The following RNFT2 variants were observed in gnomAD, a reference collection of about 807,000 sequenced individuals.
RNFT2 encodes the protein E3 ubiquitin-protein ligase RNFT2.
Under a neutral mutation model 53.0 loss-of-function variants are expected in RNFT2, and 36 were observed. That is an observed-to-expected ratio of 0.68 (90% CI 0.52 to 0.90). The LOEUF (loss-of-function observed/expected upper bound fraction) is 0.90, where lower values mean the gene tolerates loss of function less well. RNFT2 is among the 40% of genes least tolerant of loss of function. The pLI is 0.00. For missense variants in RNFT2, 514 were observed against 585.6 expected (o/e 0.88, Z 1.26); for synonymous variants, 260 against 253.2 (o/e 1.03, Z -0.26).
At chr12:116,821,849 C>T (rs1313075144) in intron 7 of RNFT2, among the ~76,000 whole-genome samples, 2 of 99,190 alleles carry the variant, frequency 2.0e-5, no homozygotes, top group East Asian at 3.5e-4. Context: ...CAGAGTCTTA[C>T]TCTGTCGCCC....
chr12:116,833,726 G>T, intron 7 of RNFT2, 66 bp from the exon 8 acceptor site: 2 of 1,573,646 alleles, frequency 1.3e-6, no homozygotes, highest in East Asian at 2.3e-5. Context: ...GGGGCGGGGG[G>T]CCCCCCAGCT....
intron 5 of RNFT2, among the ~76,000 whole-genome samples, chr12:116,755,114 T>G (rs1872443272): frequency 6.6e-6 from 1 of 152,216 alleles, no homozygotes; most frequent in South Asian, 2.1e-4. Context: ...ATTTTTATAG[T>G]TTTAGGTCCT....
chr12:116,786,065 G>C (rs1296256328), intron 7 of RNFT2, among the ~76,000 whole-genome samples: 1 of 151,924 alleles, frequency 6.6e-6, no homozygotes, highest in African/African-American at 2.4e-5. Context: ...TTCTGACATA[G>C]GTGCTGATTA....
chr12:116,830,494 C>T (rs995041949), intron 7 of RNFT2, among the ~76,000 whole-genome samples: 2 of 151,968 alleles, frequency 1.3e-5, no homozygotes, highest in Non-Finnish European at 2.9e-5. Context: ...TGCTCTATTG[C>T]CCAGGCTGGT....
intron 3 of RNFT2, among the ~76,000 whole-genome samples, chr12:116,744,195 T>C (rs956153345): frequency 1.8e-4 from 25 of 136,230 alleles, no homozygotes; most frequent in Non-Finnish European, 2.9e-4. Context: ...GACTGCACTC[T>C]AGCCTGGGTG....
At chr12:116,750,904 A>T (rs370982600) in intron 4 of RNFT2, among the ~76,000 whole-genome samples, 6,813 of 41,454 alleles carry the variant, frequency 0.16, 629 homozygotes, top group East Asian at 0.32. Context: ...ATATATATAT[A>T]TATATTTTTT....
chr12:116,853,285 A>G lies in RNFT2; in HGVS notation c.*3837A>G. The stretch of plus-strand genomic sequence containing the variant: ...AGGGTTAATCGAGTATCAGGTTCAC[A>G]GTATCCTGCCCTTATTATTTTATGA... On this transcript the variant is annotated 3_prime_UTR_variant, in exon 11 of 11. Coordinates refer to ENST00000257575, the MANE Select transcript of RNFT2 (RefSeq NM_001382266.1). 2.5e-6 allele frequency: 1 copy of G among 398,608 alleles called. No homozygotes were observed. Among genetic ancestry groups the G allele is most frequent in the Non-Finnish European group, 4.4e-6 (1 of 226,088 alleles). 24.7% of individuals were successfully genotyped at this position (398,608 alleles called of 1,614,324 possible). A position where few individuals can be genotyped will look rare whatever the true frequency, so the allele number is the denominator to read the frequency against.
intron 10 of RNFT2, 85 bp downstream of exon 10, chr12:116,836,367 G>A: frequency 1.7e-6 from 2 of 1,155,482 alleles, no homozygotes; most frequent in Non-Finnish European, 1.3e-6. Flanking sequence ...CGGGTCTCTG[G>A]CATGGGTCTC....
chr12:116,773,415 A>C (rs1873288431), intron 6 of RNFT2, among the ~76,000 whole-genome samples: 1 of 152,238 alleles, frequency 6.6e-6, no homozygotes, highest in African/African-American at 2.4e-5. Flanking sequence ...ATCCTAGGAA[A>C]ACCAAACAAC....
At chr12:116,746,089 T>C (rs895343754) in intron 3 of RNFT2, among the ~76,000 whole-genome samples, 2 of 152,032 alleles carry the variant, frequency 1.3e-5, no homozygotes, top group African/African-American at 4.8e-5. Flanking sequence ...ATACAAAAAT[T>C]AGCCAAGCAT....
chr12:116,802,952 T>C (rs1055721765), intron 7 of RNFT2, among the ~76,000 whole-genome samples: 3 of 151,326 alleles, frequency 2.0e-5, no homozygotes, highest in African/African-American at 7.3e-5. Context: ...AAAATTAGCC[T>C]AGCACGGTAG....
chr12:116,812,534 CT>C lies in RNFT2; in HGVS notation c.883-21244del, dbSNP rs112093335. Among the ~76,000 whole-genome samples the C allele has an allele frequency of 4.6e-3, 658 of 143,728 alleles. 3 individuals carry two copies. The highest frequency in any genetic ancestry group is 7.5e-3 in the African/African-American group (295 of 39,408). 94.3% of individuals were successfully genotyped at this position (143,728 alleles called of 152,430 possible). A position where few individuals can be genotyped will look rare whatever the true frequency, so the allele number is the denominator to read the frequency against. ...CTTCTGTGTCTAGGCCTGTTCCTAT[CT>C]TTTTTTTTTTTTTCCTTGAGACAGG... On this transcript the variant is annotated intron_variant, in intron 7 of 10. Transcript: ENST00000257575.
chr12:116,811,434 G>A (rs1375432119), intron 7 of RNFT2, among the ~76,000 whole-genome samples: 1 of 151,200 alleles, frequency 6.6e-6, no homozygotes, highest in Non-Finnish European at 1.5e-5. Flanking sequence ...GGAGTGCAGT[G>A]GGGCCATCTC....
intron 7 of RNFT2, among the ~76,000 whole-genome samples, chr12:116,818,053 G>T (rs2137175919): frequency 6.6e-6 from 1 of 152,256 alleles, no homozygotes; most frequent in South Asian, 2.1e-4. Flanking sequence ...TTTCTCTGTG[G>T]GATGGACATT....
intron 7 of RNFT2, among the ~76,000 whole-genome samples, chr12:116,787,878 A>T (rs534264308): frequency 2.5e-4 from 38 of 151,414 alleles, no homozygotes; most frequent in African/African-American, 9.2e-4. Flanking sequence ...CCTTACTCTT[A>T]CTCTGTTTTT....
intron 7 of RNFT2, among the ~76,000 whole-genome samples, chr12:116,832,890 G>A (rs1876748973): frequency 1.4e-5 from 2 of 139,898 alleles, no homozygotes; most frequent in South Asian, 4.7e-4. Context: ...GAGTACCCAA[G>A]TCGTGTTCTT....
intron 3 of RNFT2, among the ~76,000 whole-genome samples, chr12:116,746,287 GC>G (rs923060419): frequency 1.3e-5 from 2 of 152,068 alleles, no homozygotes; most frequent in Admixed American, 1.3e-4. Context: ...AGGTGCTGGG[GC>G]CCACCCATAA....
intron 3 of RNFT2, among the ~76,000 whole-genome samples, chr12:116,743,798 C>T (rs1038344935): frequency 2.6e-5 from 4 of 152,160 alleles, no homozygotes; most frequent in Admixed American, 6.5e-5. Flanking sequence ...ATGGTGCCTG[C>T]CTGTTCTGCA....
intron 5 of RNFT2, among the ~76,000 whole-genome samples, chr12:116,763,295 G>A (rs1268235932): frequency 6.6e-6 from 1 of 152,086 alleles, no homozygotes; most frequent in Non-Finnish European, 1.5e-5. Context: ...CTACCGATCA[G>A]GGAAATGCAA....
Sources: allele counts gnomAD v4.1 joint callset (sites outside exome capture counted in the v4.1 genomes callset), GRCh38; gene constraint gnomAD v4.1.1; transcripts MANE v1.5; gene names NCBI Gene and HGNC (gene_info 2026-07-23, HGNC 2026-07-21).